The following FCHSD2 variants were observed in gnomAD, a reference collection of about 807,000 sequenced individuals.
FCHSD2 encodes FCH and double SH3 domains 2.
A neutral mutation model predicts 108.1 loss-of-function variants in FCHSD2; 38 were observed. The ratio of observed to expected loss-of-function variants is 0.35; its 90% CI spans 0.27 to 0.46. The LOEUF (loss-of-function observed/expected upper bound fraction) is 0.46. FCHSD2 is among the 20% of genes least tolerant of loss of function. FCHSD2 has a pLI of 1.00. For missense variants in FCHSD2, 751 were observed against 897.8 expected, an observed-to-expected ratio of 0.84 and a Z score of 2.09; for synonymous variants, 279 against 314.7, an observed-to-expected ratio of 0.89 and a Z score of 1.20.
At chr11:72,945,964 C>A (rs1362706233) in intron 8 of FCHSD2, among the ~76,000 whole-genome samples, 1 of 152,144 alleles carries the variant, frequency 6.6e-6, no homozygotes, top group African/African-American at 2.4e-5. Context: ...TAAACTAGTT[C>A]AACCATTGTG....
At chr11:73,074,146 TTACA>T (rs1338512199) in intron 3 of FCHSD2, among the ~76,000 whole-genome samples, 9 of 152,152 alleles carry the variant, frequency 5.9e-5, no homozygotes, top group Non-Finnish European at 1.2e-4. Flanking sequence ...AGAAACAGAC[TTACA>T]TACACAGTTA....
intron 17 of FCHSD2, among the ~76,000 whole-genome samples, chr11:72,842,272 A>T (rs1313476894): frequency 1.3e-5 from 2 of 152,230 alleles, no homozygotes; most frequent in Non-Finnish European, 2.9e-5. Flanking sequence ...GCCAGCTAAG[A>T]GTTTTACTAC....
intron 8 of FCHSD2, among the ~76,000 whole-genome samples, chr11:72,930,480 G>A (rs538963585): frequency 4.6e-5 from 7 of 152,176 alleles, no homozygotes; most frequent in African/African-American, 4.8e-5. Flanking sequence ...GGCTGGGTGC[G>A]GTGGCTCACA....
At chr11:72,911,680 TTTATTA>T (rs1210907113) in intron 9 of FCHSD2, among the ~76,000 whole-genome samples, 1 of 152,150 alleles carries the variant, frequency 6.6e-6, no homozygotes, top group Non-Finnish European at 1.5e-5. Context: ...CTTTTTTATT[TTTATTA>T]TTATTATACT....
intron 5 of FCHSD2, among the ~76,000 whole-genome samples, chr11:73,000,713 T>C (rs181432454): frequency 6.6e-6 from 1 of 152,242 alleles, no homozygotes; most frequent in African/African-American, 2.4e-5. Flanking sequence ...TGAAACTAAG[T>C]AGATCTATGT....
At chr11:73,097,351 T>C (rs1860110936) in intron 2 of FCHSD2, among the ~76,000 whole-genome samples, 1 of 151,580 alleles carries the variant, frequency 6.6e-6, no homozygotes, top group Non-Finnish European at 1.5e-5. Flanking sequence ...TTCAGTTTCC[T>C]AGGTTTGTTT....
chr11:72,990,525 T>A (rs1591463226), intron 5 of FCHSD2, among the ~76,000 whole-genome samples: 1 of 152,130 alleles, frequency 6.6e-6, no homozygotes, highest in Non-Finnish European at 1.5e-5. Context: ...CACAGTGCAA[T>A]CAAACTAGAA....
At chr11:72,873,547 G>A (rs1854907637) in intron 12 of FCHSD2, among the ~76,000 whole-genome samples, 1 of 152,068 alleles carries the variant, frequency 6.6e-6, no homozygotes, top group South Asian at 2.1e-4. Context: ...TCATTTTCTT[G>A]ATAGTGTCAT....
intron 8 of FCHSD2, among the ~76,000 whole-genome samples, chr11:72,949,746 T>C (rs937341106): frequency 6.6e-6 from 1 of 152,220 alleles, no homozygotes; most frequent in Non-Finnish European, 1.5e-5. Context: ...ACTGTATGGG[T>C]TTACCACATC....
At chr11:73,065,108 A>G (rs776756582) in intron 3 of FCHSD2, among the ~76,000 whole-genome samples, 2 of 152,248 alleles carry the variant, frequency 1.3e-5, no homozygotes, top group Non-Finnish European at 2.9e-5. Flanking sequence ...AAAATCCTCA[A>G]TAAAACACTG....
intron 5 of FCHSD2, among the ~76,000 whole-genome samples, chr11:72,993,588 A>C (rs922731308): frequency 1.3e-5 from 2 of 152,152 alleles, no homozygotes; most frequent in African/African-American, 2.4e-5. Flanking sequence ...CATAAAAATG[A>C]TGAGTTCATG....
chr11:72,849,666 A>G, intron 14 of FCHSD2, 89 bp downstream of exon 14: 1 of 1,029,928 alleles, frequency 9.7e-7, no homozygotes, highest in South Asian at 1.5e-5. Flanking sequence ...TTTTATGCTA[A>G]GTACAGCTTG....
At chr11:72,913,783 C>G (rs774366947) in intron 9 of FCHSD2, among the ~76,000 whole-genome samples, 6 of 148,630 alleles carry the variant, frequency 4.0e-5, no homozygotes, top group Non-Finnish European at 7.4e-5. Flanking sequence ...TACTAATGGA[C>G]TCCCTTTCAC....
intron 14 of FCHSD2, among the ~76,000 whole-genome samples, chr11:72,848,943 ATG>A (rs1379429034): frequency 6.6e-6 from 1 of 152,248 alleles, no homozygotes; most frequent in Non-Finnish European, 1.5e-5. Flanking sequence ...TTGGAAAAAA[ATG>A]CTAACACTTT....
At chr11:73,027,911 T>G (rs1591493428) in intron 3 of FCHSD2, among the ~76,000 whole-genome samples, 1 of 152,190 alleles carries the variant, frequency 6.6e-6, no homozygotes, top group Admixed American at 6.5e-5. Context: ...TTCCACATGG[T>G]ATTGGGCCTG....
At chr11:73,141,356 T>C (rs1861243311) in intron 1 of FCHSD2, 1 of 155,374 alleles carries the variant, frequency 6.4e-6, no homozygotes, top group Non-Finnish European at 1.4e-5. Context: ...TCCAACTTCT[T>C]TTCGGCCGCC....
intron 8 of FCHSD2, among the ~76,000 whole-genome samples, chr11:72,958,916 C>T (rs1856766243): frequency 6.6e-6 from 1 of 152,100 alleles, no homozygotes. Flanking sequence ...AACAGAAGCA[C>T]TGGAATAGAT....
chr11:72,903,830 A>G (rs1418221683), intron 9 of FCHSD2, among the ~76,000 whole-genome samples: 3 of 152,200 alleles, frequency 2.0e-5, no homozygotes, highest in African/African-American at 7.2e-5. Flanking sequence ...AGACGCAAAA[A>G]GTAGTAGGTG....
chr11:73,046,208 A>G (rs747659581), intron 3 of FCHSD2, among the ~76,000 whole-genome samples: 3 of 152,094 alleles, frequency 2.0e-5, no homozygotes, highest in African/African-American at 7.2e-5. Flanking sequence ...CCCAGGCTAC[A>G]ATCGAATTCC....
Sources: allele counts gnomAD v4.1 joint callset (sites outside exome capture counted in the v4.1 genomes callset), GRCh38; gene constraint gnomAD v4.1.1; transcripts MANE v1.5; gene names NCBI Gene and HGNC (gene_info 2026-07-23, HGNC 2026-07-21).